The following CDKN2B-AS1 variants were observed in gnomAD, a reference collection of about 807,000 sequenced individuals.
CDKN2B-AS1 encodes the protein CDKN2B antisense RNA 1 (non-protein coding).
chr9:22,113,708 A>G (rs1825862449), intron 4 of CDKN2B-AS1: 1 of 152,178 alleles, frequency 6.6e-6, no homozygotes, highest in African/African-American at 2.4e-5. Context: ...AGCATGTCAA[A>G]CAATGTGTAA....
At chr9:22,106,100 C>T (rs1230823783) in intron 4 of CDKN2B-AS1, among the ~76,000 whole-genome samples, 3 of 151,620 alleles carry the variant, frequency 2.0e-5, no homozygotes, top group South Asian at 2.1e-4. Flanking sequence ...TTTTCTTTTT[C>T]GAGACCGTGT....
In CDKN2B-AS1 at chr9:22,046,455, C is replaced by T. The variant is rs555183012; in HGVS notation, n.30-296C>T. On this transcript the variant is annotated intron_variant and non_coding_transcript_variant, in intron 1 of 4. Coordinates refer to ENST00000650946, the Ensembl canonical transcript of CDKN2B-AS1. ...CCTGTCGAGGAACAGCTAAGGTTGT[C>T]ATAGAGTCTTGACTGTGTATAGATA... The T allele has an allele frequency of 1.3e-4, 20 of 152,148 alleles. No homozygotes were observed. The South Asian group carries it at 4.1e-3, about 32-fold the overall frequency. 9.4% of individuals were successfully genotyped at this position (152,148 alleles called of 1,614,324 possible).
chr9:22,110,606 G>T (rs1180536182), intron 4 of CDKN2B-AS1, among the ~76,000 whole-genome samples: 2 of 152,094 alleles, frequency 1.3e-5, no homozygotes, highest in African/African-American at 4.8e-5. Flanking sequence ...TTCTCAAAAT[G>T]TTGTAGTTAC....
intron 1 of CDKN2B-AS1, among the ~76,000 whole-genome samples, chr9:22,010,964 A>T (rs1821469760): frequency 6.6e-6 from 1 of 152,242 alleles, no homozygotes; most frequent in Non-Finnish European, 1.5e-5. Flanking sequence ...AAGAATGGTG[A>T]TAGGGAAAGA....
chr9:22,040,128 G>A (rs992250494), intron 1 of CDKN2B-AS1, among the ~76,000 whole-genome samples: 20 of 151,960 alleles, frequency 1.3e-4, no homozygotes, highest in Admixed American at 5.9e-4. Flanking sequence ...AGAGCTGTGA[G>A]ACAATTTCTC....
intron 1 of CDKN2B-AS1, chr9:22,046,438 G>A (rs1267416779): frequency 1.3e-5 from 2 of 152,098 alleles, no homozygotes; most frequent in African/African-American, 4.8e-5. Context: ...GCCCTGTCGA[G>A]GAACAGCTAA....
chr9:22,034,363 T>G (rs1822598928), intron 1 of CDKN2B-AS1, among the ~76,000 whole-genome samples: 1 of 152,168 alleles, frequency 6.6e-6, no homozygotes, highest in East Asian at 1.9e-4. Context: ...TAGCACTACT[T>G]TTTCATTGTG....
chr9:22,016,117 A>G (rs1033663875), intron 1 of CDKN2B-AS1, among the ~76,000 whole-genome samples: 6 of 152,018 alleles, frequency 3.9e-5, no homozygotes, highest in African/African-American at 7.3e-5. Context: ...CCATTTGTCA[A>G]TTTTGGCTTT....
In CDKN2B-AS1 at chr9:22,000,765, CAAT is replaced by C. The variant is rs1820884217; in HGVS notation, n.29+5607_29+5609del. Among the ~76,000 whole-genome samples, 2 of 152,002 alleles carry C rather than the reference CAAT, an allele frequency of 1.3e-5. No homozygotes were observed. The highest frequency in any genetic ancestry group is 2.4e-5 in the African/African-American group (1 of 41,374). ...ATATTCTAAAATATATAATAACAAA[CAAT>C]AACAGTACTTGCAGCTTAATTAAAG... is the stretch of plus-strand genomic sequence containing the variant. On this transcript the variant is annotated intron_variant and non_coding_transcript_variant, in intron 1 of 4. Coordinates refer to ENST00000650946, the Ensembl canonical transcript of CDKN2B-AS1. The surrounding 1 kb of genome is among the most constrained non-coding windows in gnomAD (Gnocchi z 4.1).
chr9:22,064,791 C>G (rs1165162603), intron 4 of CDKN2B-AS1, among the ~76,000 whole-genome samples: 1 of 152,150 alleles, frequency 6.6e-6, no homozygotes, highest in Non-Finnish European at 1.5e-5. Flanking sequence ...AGTGGCCAAA[C>G]ACACAATGGT....
rs146910486 is a variant in CDKN2B-AS1 at position 22,040,387 on chromosome 9, A to G, written n.30-6364A>G. Among the ~76,000 whole-genome samples, 439 of 152,138 alleles carry G rather than the reference A, an allele frequency of 2.9e-3. 6 individuals carry two copies. The highest frequency in any genetic ancestry group is 8.0e-3 in the African/African-American group (333 of 41,552). ...AGTGCCAGTGTTTGAACACAAATCA[A>G]TTTGACTCCAAAACATCATTACTCT... On this transcript the variant is annotated intron_variant and non_coding_transcript_variant, in intron 1 of 4. Transcript: ENST00000650946.
intron 4 of CDKN2B-AS1, among the ~76,000 whole-genome samples, chr9:22,080,511 G>A (rs754383113): frequency 1.3e-5 from 2 of 152,222 alleles, no homozygotes; most frequent in Non-Finnish European, 2.9e-5. Flanking sequence ...GAGTCTTTAA[G>A]GAGAGCTTTA....
At chr9:22,089,785 G>C (rs1245518520) in intron 4 of CDKN2B-AS1, among the ~76,000 whole-genome samples, 1 of 151,794 alleles carries the variant, frequency 6.6e-6, no homozygotes, top group Admixed American at 6.6e-5. Flanking sequence ...TTTGGTATTA[G>C]ATTGAGCCAA....
At chr9:22,082,911 A>G (rs551680599) in intron 4 of CDKN2B-AS1, among the ~76,000 whole-genome samples, 45 of 152,294 alleles carry the variant, frequency 3.0e-4, no homozygotes, top group African/African-American at 1.0e-3. Context: ...AAGATGGCTC[A>G]TGATAGTGAT....
chr9:22,029,303 T>C, intron 1 of CDKN2B-AS1: 1 of 650,502 alleles, frequency 1.5e-6, no homozygotes, highest in South Asian at 2.0e-5. Flanking sequence ...TTACCGTCTT[T>C]ATCAAATAGG....
intron 4 of CDKN2B-AS1, among the ~76,000 whole-genome samples, chr9:22,110,711 C>G (rs535400432): frequency 6.6e-6 from 1 of 152,066 alleles, no homozygotes; most frequent in Non-Finnish European, 1.5e-5. Context: ...AAACCCTATA[C>G]TCATCTCTCA....
intron 1 of CDKN2B-AS1, among the ~76,000 whole-genome samples, chr9:22,034,366 T>C (rs1182597415): frequency 6.6e-6 from 1 of 152,190 alleles, no homozygotes; most frequent in Non-Finnish European, 1.5e-5. Context: ...CACTACTTTT[T>C]CATTGTGTTC....
chr9:22,025,494 G>A (rs10738604), intron 1 of CDKN2B-AS1, among the ~76,000 whole-genome samples: 45,933 of 152,006 alleles, frequency 0.3, 8,365 homozygotes, highest in East Asian at 0.58. Flanking sequence ...GGTGGGGTGT[G>A]GCTAGAGGTC....
intron 4 of CDKN2B-AS1, among the ~76,000 whole-genome samples, chr9:22,073,772 T>C (rs780932252): frequency 6.6e-6 from 1 of 152,208 alleles, no homozygotes; most frequent in Non-Finnish European, 1.5e-5. Flanking sequence ...CTTTGACTGT[T>C]CTTACTATTT....
Sources: allele counts gnomAD v4.1 joint callset (sites outside exome capture counted in the v4.1 genomes callset), GRCh38; gene constraint gnomAD v4.1.1; non-coding constraint Gnocchi (gnomAD v3.1); transcripts MANE v1.5; gene names NCBI Gene and HGNC (gene_info 2026-07-23, HGNC 2026-07-21).